CPNE2: variants seen among roughly 807,000 people sequenced by gnomAD.
The protein encoded by CPNE2 is copine-2.
CPNE2 carries 42 observed loss-of-function variants against 69.7 expected under a neutral mutation model. The observed-to-expected ratio is 0.60, with a 90% confidence interval of 0.47 to 0.78. The LOEUF is 0.78. CPNE2 is among the 30% of genes least tolerant of loss of function. The pLI, the probability that CPNE2 is intolerant of heterozygous loss-of-function variation, is 0.00. For synonymous variants in CPNE2, 294 were observed against 289.8 expected, an observed-to-expected ratio of 1.01 and a Z score of -0.15; for missense variants, 587 against 732.0, an observed-to-expected ratio of 0.80 and a Z score of 2.29.
intron 10 of CPNE2, chr16:57,125,449 A>G (rs1328185311): frequency 2.3e-6 from 1 of 436,840 alleles, no homozygotes; most frequent in Non-Finnish European, 4.7e-6. Context: ...GCAGTGGAGC[A>G]GTGGCATCTG....
chr16:57,125,447 G>A, intron 10 of CPNE2: 1 of 438,010 alleles, frequency 2.3e-6, no homozygotes, highest in South Asian at 1.6e-5. Context: ...TTGCAGTGGA[G>A]CAGTGGCATC....
chr16:57,121,952 C>T (rs962526477), intron 9 of CPNE2, among the ~76,000 whole-genome samples, 192 bp downstream of exon 9: 27 of 152,338 alleles, frequency 1.8e-4, no homozygotes, highest in African/African-American at 2.4e-4. Flanking sequence ...GAGATATTAA[C>T]GAGGCAGAGC....
chr16:57,140,040 G>A (rs1449114396), intron 14 of CPNE2, among the ~76,000 whole-genome samples: 1 of 152,144 alleles, frequency 6.6e-6, no homozygotes, highest in Non-Finnish European at 1.5e-5. Flanking sequence ...GAAGCGCAGG[G>A]CGTGGAGGCA....
At chr16:57,109,373 G>A (rs375152085) in intron 1 of CPNE2, among the ~76,000 whole-genome samples, 2 of 151,994 alleles carry the variant, frequency 1.3e-5, no homozygotes, top group Non-Finnish European at 2.9e-5. Flanking sequence ...TTACTCGGGC[G>A]GCTGAGGCAG....
chr16:57,121,644 G>A, intron 8 of CPNE2, 30 bp from the exon 9 acceptor site: 1 of 1,607,260 alleles, frequency 6.2e-7, no homozygotes, highest in Non-Finnish European at 8.5e-7. Flanking sequence ...AAGCCCCGAG[G>A]TGAGTGTCTC....
At position 57,130,364 on chromosome 16, in the gene CPNE2, AAATT is replaced by A. The variant is rs1188458488; in HGVS notation, c.1116+2480_1116+2483del. On this transcript the variant is annotated intron_variant, in intron 12 of 15. Coordinates refer to ENST00000290776, the MANE Select transcript of CPNE2 (RefSeq NM_152727.6). This position sits in a 1 kb window ranked among gnomAD's most constrained non-coding sequence, Gnocchi z 4.1. ...GACAGAGTGAGACTCTGTCTCTAAA[AAATT>A]AATTAATTAATTAATTAAAATAAAA... is the stretch of plus-strand genomic sequence containing the variant. Among the ~76,000 whole-genome samples the A allele has an allele frequency of 7.2e-5, 11 of 152,140 alleles. No individual in the cohort carries two copies. The highest frequency in any genetic ancestry group is 1.3e-4 in the Admixed American group (2 of 15,282).
intron 6 of CPNE2, 119 bp downstream of exon 6, chr16:57,119,397 C>A: frequency 8.6e-7 from 1 of 1,162,140 alleles, no homozygotes; most frequent in Non-Finnish European, 1.3e-6. Context: ...CCCACAGTGG[C>A]ACCTGAGGGA....
chr16:57,133,315 A>G (rs1307137788), intron 12 of CPNE2, among the ~76,000 whole-genome samples: 1 of 152,084 alleles, frequency 6.6e-6, no homozygotes, highest in Non-Finnish European at 1.5e-5. Context: ...CATTGCCTGA[A>G]ACGGGGAGGA....
chr16:57,119,248 T>C lies in CPNE2; in HGVS notation c.561T>C (p.Asp187=), dbSNP rs2069742947. 1.2e-6 allele frequency: 2 copies of C among 1,614,130 alleles called. No individual in the cohort carries two copies. Among genetic ancestry groups the C allele is most frequent in the Non-Finnish European group, 1.7e-6 (2 of 1,180,016 alleles). The part of the protein sequence containing the change: ...PFLEFYKPGD[D]GKWMLVHRTE... ...TGGAGTTTTATAAGCCAGGAGACGA[T>C]GGCAAGTGGATGCTGGTCCACAGGA... Residue 187 remains aspartate, a synonymous_variant, in exon 6 of 16, where the codon GAT becomes GAC. Coordinates refer to ENST00000290776, the MANE Select transcript of CPNE2 (RefSeq NM_152727.6).
Position 57,146,350 on chromosome 16 carries a change from C to A in CPNE2, c.1539+29C>A, listed in dbSNP as rs1478982189. 1 of 1,507,436 alleles carries A rather than the reference C, an allele frequency of 6.6e-7. No homozygotes were observed. 93.4% of individuals were successfully genotyped at this position (1,507,436 alleles called of 1,614,324 possible). ...AGTGTGGGCCTGGGCTGGGAGGGGG[C>A]GGTTACAGGATCCCAGCCACCATAG... On this transcript the variant is annotated intron_variant, in intron 15 of 15. Coordinates refer to ENST00000290776, the MANE Select transcript of CPNE2 (RefSeq NM_152727.6). This position sits in a 1 kb window ranked among gnomAD's most constrained non-coding sequence, Gnocchi z 4.4.
chr16:57,137,360 C>G, intron 14 of CPNE2, 78 bp downstream of exon 14: 1 of 1,553,822 alleles, frequency 6.4e-7, no homozygotes, highest in Non-Finnish European at 8.7e-7. Flanking sequence ...ATTCTGCCTT[C>G]TCTTTGCTTT....
At chr16:57,129,301 TA>T (rs1220405399) in intron 12 of CPNE2, among the ~76,000 whole-genome samples, 1 of 152,092 alleles carries the variant, frequency 6.6e-6, no homozygotes, top group Non-Finnish European at 1.5e-5. Flanking sequence ...GGGGCGTGGC[TA>T]GGGCGAGAGT....
At chr16:57,099,451 C>T (rs754072878) in intron 1 of CPNE2, among the ~76,000 whole-genome samples, 53 of 152,108 alleles carry the variant, frequency 3.5e-4, no homozygotes, top group Non-Finnish European at 6.3e-4. Flanking sequence ...TGAGTGTTTT[C>T]GTTGGGCACT....
In CPNE2 at chr16:57,115,482, T is replaced by C; in HGVS notation, c.367T>C (p.Ser123Pro). The change falls in exon 4 of 16, where the codon TCC becomes CCC. Residue 123 changes from serine (S) to proline (P), a missense_variant. Physicochemically the swap from Ser to Pro is moderately conservative, Grantham distance 74. Around this residue, in one of 5 missense-constraint regions of CPNE2, gnomAD observed 269 missense variants for 300.5 expected, o/e 0.90. Coordinates refer to ENST00000290776, the MANE Select transcript of CPNE2 (RefSeq NM_152727.6). ...TTTCTCCTCTCTCCCCTAGATCGTC[T>C]CCAGCAAGAAGATCACTAGGCCTCT... ...QFSCSLGTIV[S>P]SKKITRPLLL... 1 of 1,611,778 alleles carries C rather than the reference T, an allele frequency of 6.2e-7. No individual in the cohort carries two copies. The highest frequency in any genetic ancestry group is 8.5e-7 in the Non-Finnish European group (1 of 1,178,814).
intron 3 of CPNE2, among the ~76,000 whole-genome samples, chr16:57,114,070 G>C (rs1160142292): frequency 5.3e-5 from 8 of 152,246 alleles, no homozygotes; most frequent in African/African-American, 1.9e-4. Flanking sequence ...TGCTTTGAGG[G>C]GTCCTAGTGG....
At chr16:57,125,291 T>C (rs1389565050) in intron 10 of CPNE2, 1 of 455,960 alleles carries the variant, frequency 2.2e-6, no homozygotes, top group African/African-American at 2.0e-5. Context: ...GGGCCAGGCT[T>C]CTCCAGAGTA....
At position 57,098,977 on chromosome 16, in the gene CPNE2, T is replaced by C. The variant is rs200590579; in HGVS notation, c.-36+6187T>C. ...TTTTTTGTTTTACCACATTGAAGTG[T>C]AACATGAAATAGAGCAGACATTCTA... On this transcript the variant is annotated intron_variant, in intron 1 of 15. Transcript: ENST00000290776. Among the ~76,000 whole-genome samples the C allele has an allele frequency of 7.9e-5, 12 of 152,294 alleles. No homozygotes were observed. The East Asian group carries it at 1.5e-3, about 20-fold the overall frequency.
intron 9 of CPNE2, 57 bp downstream of exon 9, chr16:57,121,817 G>A: frequency 6.6e-7 from 1 of 1,504,364 alleles, no homozygotes; most frequent in Non-Finnish European, 9.2e-7. Flanking sequence ...ACACAGAAGG[G>A]ACAGACAGAG....
In CPNE2 at chr16:57,145,779, CAAGG is replaced by C. The variant is rs2069952677; in HGVS notation, c.1303-305_1303-302del. 1.2e-5 allele frequency: 5 copies of C among 408,594 alleles called. No individual in the cohort carries two copies. In the Admixed American group the frequency reaches 2.0e-4, roughly 16 times the overall value. 25.3% of individuals were successfully genotyped at this position (408,594 alleles called of 1,614,324 possible). On this transcript the variant is annotated intron_variant, in intron 14 of 15. Transcript: ENST00000290776. The stretch of plus-strand genomic sequence containing the variant: ...TAGAGTCCCACAGTATAGCAACTGG[CAAGG>C]CCAGGCCCAGAGTCCAGGGCTCTCA...
Sources: gnomAD v4.1 joint callset for allele counts (sites outside exome capture counted in the v4.1 genomes callset) on GRCh38, gnomAD v4.1.1 for gene constraint, gnomAD v4.1.1 regional missense constraint, Gnocchi (gnomAD v3.1) non-coding constraint, MANE v1.5 for transcripts, NCBI Gene and HGNC (gene_info 2026-07-23, HGNC 2026-07-21) for gene names.